CDH23: variants seen among roughly 807,000 people sequenced by gnomAD.
The protein encoded by CDH23 is cadherin-23.
CDH23 carries 189 observed loss-of-function variants against 317.1 expected under a neutral mutation model. The ratio of observed to expected loss-of-function variants is 0.60; its 90% CI spans 0.53 to 0.67. The LOEUF is 0.67. CDH23 is among the 30% of genes least tolerant of loss of function. CDH23 has a pLI of 0.00. For synonymous variants in CDH23, 1,839 were observed against 1,876.8 expected (o/e 0.98, Z 0.52); for missense variants, 4,401 against 4,592.4 (o/e 0.96, Z 1.20).
chr10:71,589,345 C>T (rs1402267142), intron 9 of CDH23, among the ~76,000 whole-genome samples: 1 of 152,174 alleles, frequency 6.6e-6, no homozygotes, highest in African/African-American at 2.4e-5. Flanking sequence ...GTTTTGAATT[C>T]CTGACCTTGT....
chr10:71,429,485 A>T (rs1438128847), intron 1 of CDH23, among the ~76,000 whole-genome samples: 4 of 152,196 alleles, frequency 2.6e-5, no homozygotes, highest in Non-Finnish European at 4.4e-5. Flanking sequence ...TGGACACATC[A>T]TTCTTCTGAA....
intron 1 of CDH23, among the ~76,000 whole-genome samples, chr10:71,416,745 G>T: frequency 6.6e-6 from 1 of 152,046 alleles, no homozygotes; most frequent in East Asian, 2.0e-4. Context: ...ATAGGTCACT[G>T]CAACCTTGAA....
intron 15 of CDH23, among the ~76,000 whole-genome samples, chr10:71,676,960 G>T (rs60354511): frequency 0.014 from 2,117 of 152,234 alleles, 40 homozygotes; most frequent in African/African-American, 0.048. Context: ...TTGTCTTGCC[G>T]GACCTTTCTG....
chr10:71,656,190 C>T (rs1863409008), intron 14 of CDH23, among the ~76,000 whole-genome samples: 1 of 152,228 alleles, frequency 6.6e-6, no homozygotes, highest in South Asian at 2.1e-4. Context: ...TCCAGGATCG[C>T]CTGGGCCTCC....
rs903910809 is a variant in CDH23, at chr10:71,713,004, C to T, written c.3369+191C>T. Reference sequence around the variant, plus strand: ...CTCCCATCCCAGGGAGTGTGGGCCCCCAGGTTGCAGAGCTGAGGATAGGGC... The same window carrying T: ...CTCCCATCCCAGGGAGTGTGGGCCCTCAGGTTGCAGAGCTGAGGATAGGGC... On this transcript the variant is annotated intron_variant, in intron 28 of 69. Transcript: ENST00000224721. 5 of 766,124 alleles carry T rather than the reference C, an allele frequency of 6.5e-6. No homozygotes were observed. In the South Asian group the frequency reaches 7.4e-5, roughly 11 times the overall value. 47.5% of individuals were successfully genotyped at this position (766,124 alleles called of 1,614,324 possible).
chr10:71,487,830 T>A (rs1852434268), intron 3 of CDH23, among the ~76,000 whole-genome samples: 1 of 152,210 alleles, frequency 6.6e-6, no homozygotes, highest in Non-Finnish European at 1.5e-5. Flanking sequence ...TCAGGCCAGC[T>A]ACTATTCTCA....
At chr10:71,777,997 C>T (rs1022976885) in intron 39 of CDH23, 96 bp downstream of exon 39, 2 of 1,469,996 alleles carry the variant, frequency 1.4e-6, no homozygotes, top group East Asian at 2.4e-5. Flanking sequence ...AGCAAAGATG[C>T]AGTCTAGGGG....
chr10:71,710,069 C>T (rs1394993795), intron 27 of CDH23, among the ~76,000 whole-genome samples: 1 of 152,152 alleles, frequency 6.6e-6, no homozygotes, highest in East Asian at 1.9e-4. Context: ...CTCCCGCTGG[C>T]TCCCTCCCAC....
At chr10:71,716,422 G>T in intron 28 of CDH23, 1 of 1,146,972 alleles carries the variant, frequency 8.7e-7, no homozygotes, top group Non-Finnish European at 1.2e-6. Context: ...CTTACCTAGG[G>T]AATGTGGATG....
At chr10:71,582,939 C>T (rs1858743945) in intron 9 of CDH23, among the ~76,000 whole-genome samples, 1 of 152,194 alleles carries the variant, frequency 6.6e-6, no homozygotes, top group Non-Finnish European at 1.5e-5. Flanking sequence ...TGTTGACATG[C>T]AGTGATGGCT....
At chr10:71,494,817 C>T (rs1288135734) in intron 3 of CDH23, among the ~76,000 whole-genome samples, 1 of 152,212 alleles carries the variant, frequency 6.6e-6, no homozygotes, top group African/African-American at 2.4e-5. Context: ...CCATAACCCC[C>T]AGTTGATCTC....
intron 3 of CDH23, among the ~76,000 whole-genome samples, chr10:71,483,687 T>C (rs1232043277): frequency 6.6e-6 from 1 of 152,210 alleles, no homozygotes; most frequent in Non-Finnish European, 1.5e-5. Context: ...TTTAGGTGCA[T>C]CAGCTGATTT....
intron 40 of CDH23, 70 bp from the exon 41 acceptor site, chr10:71,779,197 A>T: frequency 7.0e-7 from 1 of 1,434,862 alleles, no homozygotes; most frequent in Non-Finnish European, 9.8e-7. Flanking sequence ...CATTTCACAG[A>T]GGAAGGAACT....
chr10:71,792,497 C>T (rs548999482), intron 47 of CDH23, among the ~76,000 whole-genome samples: 22 of 151,886 alleles, frequency 1.4e-4, no homozygotes, highest in Non-Finnish European at 2.6e-4. Flanking sequence ...ATAATTATAG[C>T]CAATATTGAA....
chr10:71,424,268 A>G (rs982809306), intron 1 of CDH23, among the ~76,000 whole-genome samples: 2 of 152,224 alleles, frequency 1.3e-5, no homozygotes, highest in Non-Finnish European at 2.9e-5. Flanking sequence ...CAGTAAGGTA[A>G]CCTGGTGGGA....
chr10:71,622,955 T>C, intron 11 of CDH23: 1 of 985,358 alleles, frequency 1.0e-6, no homozygotes, highest in Non-Finnish European at 1.2e-6. Flanking sequence ...CCCCTGGCCT[T>C]CCTGAGGGAC....
chr10:71,576,790 G>A (rs913579800), intron 8 of CDH23, among the ~76,000 whole-genome samples: 3 of 152,206 alleles, frequency 2.0e-5, no homozygotes, highest in Admixed American at 6.5e-5. Context: ...CTCAGCGAGT[G>A]GTGGCGGTGA....
chr10:71,568,062 C>T (rs913664275), intron 7 of CDH23, among the ~76,000 whole-genome samples: 1 of 152,162 alleles, frequency 6.6e-6, no homozygotes, highest in African/African-American at 2.4e-5. Context: ...ATGGGGTGCC[C>T]CCAGACTTGG....
At chr10:71,472,603 C>A (rs1325397723) in intron 3 of CDH23, among the ~76,000 whole-genome samples, 1 of 152,212 alleles carries the variant, frequency 6.6e-6, no homozygotes, top group Non-Finnish European at 1.5e-5. Flanking sequence ...ATGGGCCAGG[C>A]TTCAACTTGC....
Sources: allele counts gnomAD v4.1 joint callset (sites outside exome capture counted in the v4.1 genomes callset), GRCh38; gene constraint gnomAD v4.1.1; transcripts MANE v1.5; gene names NCBI Gene and HGNC (gene_info 2026-07-23, HGNC 2026-07-21).